YEATS2: variants seen among roughly 807,000 people sequenced by gnomAD.
YEATS2 encodes the protein YEATS domain containing 2.
A neutral mutation model predicts 163.2 loss-of-function variants in YEATS2; 77 were observed. The observed-to-expected ratio is 0.47, with a 90% CI of 0.39 to 0.57. The LOEUF (loss-of-function observed/expected upper bound fraction) is 0.57, where lower values mean the gene tolerates loss of function less well. YEATS2 is among the 20% of genes least tolerant of loss of function. YEATS2 has a pLI of 0.00. For synonymous variants in YEATS2, 631 were observed against 645.1 expected, an observed-to-expected ratio of 0.98 and a Z score of 0.33; for missense variants, 1,549 against 1,729.8, an observed-to-expected ratio of 0.90 and a Z score of 1.85.
At chr3:183,775,285 A>G (rs1722848164) in intron 17 of YEATS2, among the ~76,000 whole-genome samples, 1 of 152,224 alleles carries the variant, frequency 6.6e-6, no homozygotes, top group African/African-American at 2.4e-5. Context: ...AGCTGAGCAC[A>G]TTTAAGTGTT....
intron 20 of YEATS2, 90 bp downstream of exon 20, chr3:183,786,391 C>T: frequency 7.9e-7 from 1 of 1,264,480 alleles, no homozygotes; most frequent in Non-Finnish European, 1.1e-6. Flanking sequence ...ACCAGTGGAC[C>T]TTTTAAAAAT....
intron 8 of YEATS2, among the ~76,000 whole-genome samples, chr3:183,744,445 AACAC>A (rs1462836343): frequency 6.6e-6 from 1 of 151,974 alleles, no homozygotes; most frequent in Non-Finnish European, 1.5e-5. Context: ...TCTTATTTTT[AACAC>A]AGCACATACT....
At chr3:183,722,202 G>C in intron 5 of YEATS2, 66 bp downstream of exon 5, 1 of 1,520,662 alleles carries the variant, frequency 6.6e-7, no homozygotes, top group Non-Finnish European at 8.9e-7. Context: ...TAAAGTATGC[G>C]CTTGTTATCT....
intron 1 of YEATS2, among the ~76,000 whole-genome samples, chr3:183,707,612 A>T (rs1214299658): frequency 6.6e-6 from 1 of 151,794 alleles, no homozygotes; most frequent in Admixed American, 6.6e-5. Flanking sequence ...CATTATCAGC[A>T]TCTTAGGAAT....
intron 17 of YEATS2, among the ~76,000 whole-genome samples, chr3:183,774,153 G>A (rs1359662074): frequency 4.6e-5 from 7 of 152,156 alleles, no homozygotes; most frequent in Non-Finnish European, 7.3e-5. Context: ...TTGGGGATAG[G>A]TTGGCATAGG....
chr3:183,709,027 G>A (rs890883661), intron 1 of YEATS2, among the ~76,000 whole-genome samples: 11 of 152,140 alleles, frequency 7.2e-5, no homozygotes, highest in Middle Eastern at 3.4e-3. Context: ...GAGAGTGGTG[G>A]CACACACCAG....
chr3:183,718,173 T>G (rs1178895769), intron 3 of YEATS2, among the ~76,000 whole-genome samples: 1 of 152,222 alleles, frequency 6.6e-6, no homozygotes, highest in Non-Finnish European at 1.5e-5. Flanking sequence ...ACGTGTCCCA[T>G]AAACATGTGC....
intron 7 of YEATS2, among the ~76,000 whole-genome samples, chr3:183,736,514 T>G (rs910679493): frequency 2.0e-5 from 3 of 152,308 alleles, no homozygotes; most frequent in Non-Finnish European, 4.4e-5. Flanking sequence ...TAATTGAAAG[T>G]TTAATAGAGG....
chr3:183,712,187 C>A (rs7630636), intron 1 of YEATS2, among the ~76,000 whole-genome samples: 11,061 of 113,194 alleles, frequency 0.098, 1,347 homozygotes, highest in African/African-American at 0.32. Context: ...ATTTTATGTT[C>A]TTTTATTTTA....
chr3:183,782,354 C>T (rs991747038), intron 19 of YEATS2, among the ~76,000 whole-genome samples: 2 of 152,062 alleles, frequency 1.3e-5, no homozygotes, highest in African/African-American at 2.4e-5. Flanking sequence ...GGTGATCCAC[C>T]CGCCTCAGCC....
At chr3:183,808,251 TTG>T in intron 29 of YEATS2, 147 bp downstream of exon 29, 1 of 655,604 alleles carries the variant, frequency 1.5e-6, no homozygotes, top group Non-Finnish European at 2.5e-6. Flanking sequence ...TTTTGTTTTT[TTG>T]TTTTTTTTCC....
chr3:183,712,995 T>G (rs887867891), intron 1 of YEATS2, among the ~76,000 whole-genome samples: 1 of 151,822 alleles, frequency 6.6e-6, no homozygotes, highest in Non-Finnish European at 1.5e-5. Context: ...CCCTGACCTC[T>G]AATGATCTGC....
Position 183,717,754 on chromosome 3 carries a change from A to G in YEATS2, c.198+6A>G, listed in dbSNP as rs373192366. 9.4e-6 allele frequency: 14 copies of G among 1,483,988 alleles called. No individual in the cohort carries two copies. The highest frequency in any genetic ancestry group is 1.5e-5 in the African/African-American group (1 of 68,386). The allele number at this position is 1,483,988 out of a possible 1,614,324, so 91.9% of individuals were successfully genotyped here. On this transcript the variant is annotated splice_donor_region_variant and intron_variant, in intron 3 of 30. Coordinates refer to ENST00000305135, the MANE Select transcript of YEATS2 (RefSeq NM_018023.5). ...AAATTGAAGTCATTGACCAGGTATAATGATGATAAATTGAAATAAACACCA... is the reference window on the plus strand; with the variant it reads ...AAATTGAAGTCATTGACCAGGTATAGTGATGATAAATTGAAATAAACACCA...
Position 183,704,052 on chromosome 3 carries a change from G to C in YEATS2, c.-20+6059G>C, listed in dbSNP as rs1430138134. On this transcript the variant is annotated intron_variant, in intron 1 of 30. Coordinates refer to ENST00000305135, the MANE Select transcript of YEATS2 (RefSeq NM_018023.5). Reference sequence around the variant, plus strand: ...TGCAGTCCCAGCTACTTAGGAGGCTGAGGCAGGAGAATCACTCCAACCTGG... The same window carrying C: ...TGCAGTCCCAGCTACTTAGGAGGCTCAGGCAGGAGAATCACTCCAACCTGG... 2.0e-5 allele frequency among the ~76,000 whole-genome samples: 3 copies of C among 151,818 alleles called. No individual in the cohort carries two copies. The East Asian group carries it at 5.8e-4, about 29-fold the overall frequency.
chr3:183,790,392 C>G (rs1466143534), intron 20 of YEATS2, among the ~76,000 whole-genome samples: 2 of 119,846 alleles, frequency 1.7e-5, no homozygotes, highest in Non-Finnish European at 3.7e-5. Flanking sequence ...AATGAAGTGA[C>G]AGACTGTAGA....
At chr3:183,726,934 T>A (rs1019845117) in intron 6 of YEATS2, among the ~76,000 whole-genome samples, 3 of 152,106 alleles carry the variant, frequency 2.0e-5, no homozygotes, top group African/African-American at 7.2e-5. Flanking sequence ...CACAAGTAGT[T>A]GGGATTACAG....
chr3:183,738,105 A>G (rs1718541655), intron 8 of YEATS2, among the ~76,000 whole-genome samples: 1 of 152,158 alleles, frequency 6.6e-6, no homozygotes, highest in Admixed American at 6.5e-5. Context: ...GTAATTGATC[A>G]GTGTTTTGTG....
Position 183,790,860 on chromosome 3 carries a change from C to T in YEATS2, c.2977C>T (p.Gln993Ter). The change falls in exon 21 of 31, where the codon CAG becomes TAG. Residue 993 changes from glutamine to a stop codon, truncating the protein, a stop_gained. Transcript: ENST00000305135. LOFTEE classifies it high-confidence loss of function. ...TTCTGTAACGAAAACTTCTGGGCAG[C>T]AGCAAGTGTGTGTGAGCCAGGCCAC... ...VSSVTKTSGQQQVCVSQATVG... is the reference protein window; with the variant it reads ...VSSVTKTSGQ 6.2e-7 allele frequency: 1 copy of T among 1,614,172 alleles called. No homozygotes were observed. The highest frequency in any genetic ancestry group is 8.5e-7 in the Non-Finnish European group (1 of 1,180,038).
chr3:183,746,177 G>A (rs1221601698), intron 8 of YEATS2, among the ~76,000 whole-genome samples: 1 of 151,954 alleles, frequency 6.6e-6, no homozygotes, highest in South Asian at 2.1e-4. Context: ...ATCCTCCTGC[G>A]TCAGCCTCCT....
Sources: allele counts gnomAD v4.1 joint callset (sites outside exome capture counted in the v4.1 genomes callset), GRCh38; gene constraint gnomAD v4.1.1; transcripts MANE v1.5; gene names NCBI Gene and HGNC (gene_info 2026-07-23, HGNC 2026-07-21).